The following SDHAF3 variants were observed in gnomAD, a reference collection of about 807,000 sequenced individuals.
The protein encoded by SDHAF3 is succinate dehydrogenase assembly factor 3, mitochondrial.
In SDHAF3, 18 loss-of-function variants were observed where a neutral mutation model predicts 11.5. That is an observed-to-expected ratio of 1.56 (90% confidence interval 1.08 to 2.32). The LOEUF is 2.32. Among genes scored for constraint, SDHAF3 ranks in the 30% most tolerant of loss-of-function variants. SDHAF3 has a pLI of 0.00. For missense variants in SDHAF3, 200 were observed against 154.4 expected (o/e 1.30, Z -1.57); for synonymous variants, 72 against 59.3 (o/e 1.21, Z -0.99).
chr7:97,150,114 T>A (rs1388335531), intron 1 of SDHAF3, among the ~76,000 whole-genome samples: 1 of 152,234 alleles, frequency 6.6e-6, no homozygotes, highest in East Asian at 1.9e-4. Context: ...ATCTTCAGGC[T>A]CCACTTCTGA....
chr7:97,142,890 C>CTTTTTTTTTTT (rs35198717), intron 1 of SDHAF3: 2 of 87,086 alleles, frequency 2.3e-5, no homozygotes, highest in Non-Finnish European at 4.5e-5. Flanking sequence ...TTCTTAAATT[C>CTTTTTTTTTTT]TTTTTTTTTT....
At chr7:97,150,786 T>A (rs764943950) in intron 1 of SDHAF3, among the ~76,000 whole-genome samples, 59 of 151,934 alleles carry the variant, frequency 3.9e-4, no homozygotes, top group Non-Finnish European at 8.5e-4. Flanking sequence ...ATAGTCTCGA[T>A]CTCCTGACCT....
At chr7:97,163,977 C>CTTGCTCTG (rs1273319022) in intron 1 of SDHAF3, among the ~76,000 whole-genome samples, 1 of 148,248 alleles carries the variant, frequency 6.7e-6, no homozygotes, top group Non-Finnish European at 1.5e-5. Context: ...GAGACACAGT[C>CTTGCTCTG]TTGCTCTGTT....
chr7:97,156,281 A>T (rs1789300597), intron 1 of SDHAF3, among the ~76,000 whole-genome samples: 2 of 152,172 alleles, frequency 1.3e-5, no homozygotes, highest in South Asian at 4.1e-4. Context: ...GATTTCTCTA[A>T]TGTCTTTCTC....
Position 97,181,119 on chromosome 7 carries a change from T to C in SDHAF3, c.282T>C (p.Arg94=), listed in dbSNP as rs373175529. 5 of 1,613,898 alleles carry C rather than the reference T, an allele frequency of 3.1e-6. No individual in the cohort carries two copies. Among genetic ancestry groups the C allele is most frequent in the Non-Finnish European group, 4.2e-6 (5 of 1,179,940 alleles). The part of the protein sequence containing the change: ...FLPEEKLNDF[R]DEQIGQLQEL... ...CAGAAGAAAAACTTAATGACTTTCG[T>C]GATGAACAAATTGGACAGTTGCAGG... The change falls in exon 2 of 2, where the codon CGT becomes CGC. Residue 94 remains arginine, a synonymous_variant. Transcript: ENST00000432641.
At chr7:97,169,341 T>G (rs979645013) in intron 1 of SDHAF3, among the ~76,000 whole-genome samples, 2 of 145,514 alleles carry the variant, frequency 1.4e-5, no homozygotes, top group African/African-American at 5.2e-5. Flanking sequence ...GATCGTCTGC[T>G]TTGGATCAGT....
At chr7:97,146,735 A>AT (rs993364407) in intron 1 of SDHAF3, among the ~76,000 whole-genome samples, 1 of 150,986 alleles carries the variant, frequency 6.6e-6, no homozygotes, top group Non-Finnish European at 1.5e-5. Context: ...TCAAATCAAT[A>AT]TTTTTTTGCA....
At chr7:97,152,225 G>T (rs1304734511) in intron 1 of SDHAF3, among the ~76,000 whole-genome samples, 1 of 152,132 alleles carries the variant, frequency 6.6e-6, no homozygotes, top group Non-Finnish European at 1.5e-5. Context: ...ATCAAGATGG[G>T]AATTGCAATA....
intron 1 of SDHAF3, among the ~76,000 whole-genome samples, chr7:97,150,989 A>G (rs1789211037): frequency 6.6e-6 from 1 of 152,120 alleles, no homozygotes. Flanking sequence ...TTAATATATT[A>G]AGATTAGTTT....
At chr7:97,136,991 A>G (rs1024611891) in intron 1 of SDHAF3, among the ~76,000 whole-genome samples, 3 of 151,926 alleles carry the variant, frequency 2.0e-5, no homozygotes, top group Admixed American at 6.5e-5. Context: ...TAACTGCACC[A>G]TTTTCTTTAA....
At chr7:97,138,188 G>T in intron 1 of SDHAF3, among the ~76,000 whole-genome samples, 1 of 135,770 alleles carries the variant, frequency 7.4e-6, no homozygotes. Context: ...TTTCTTGACA[G>T]AGTCTTTGTT....
intron 1 of SDHAF3, among the ~76,000 whole-genome samples, chr7:97,133,762 T>A (rs1791704939): frequency 6.6e-6 from 1 of 152,230 alleles, no homozygotes; most frequent in Non-Finnish European, 1.5e-5. Context: ...GTGTTCTTCT[T>A]TACTCCTAAA....
intron 1 of SDHAF3, among the ~76,000 whole-genome samples, chr7:97,125,371 A>C (rs1051266237): frequency 1.3e-5 from 2 of 152,168 alleles, no homozygotes; most frequent in African/African-American, 4.8e-5. Flanking sequence ...TTAGTGCTAT[A>C]AATTTCCCTC....
chr7:97,149,847 A>G (rs1245980092), intron 1 of SDHAF3, among the ~76,000 whole-genome samples: 2 of 152,238 alleles, frequency 1.3e-5, no homozygotes, highest in African/African-American at 4.8e-5. Context: ...ATTGATCTGT[A>G]GCATGCAATG....
chr7:97,137,777 G>A lies in SDHAF3; in HGVS notation c.174+19880G>A, dbSNP rs141033102. Among the ~76,000 whole-genome samples, 64 of 151,296 alleles carry A rather than the reference G, an allele frequency of 4.2e-4. 2 individuals carry two copies. The highest frequency in any genetic ancestry group is 4.1e-3 in the East Asian group (21 of 5,138). Reference sequence around the variant, plus strand: ...GTAGTATGAGTACAAGAGGGAAAGCGTCTCTCTTTCTTAGCTGTTGAATTT... The same window carrying A: ...GTAGTATGAGTACAAGAGGGAAAGCATCTCTCTTTCTTAGCTGTTGAATTT... On this transcript the variant is annotated intron_variant, in intron 1 of 1. Coordinates refer to ENST00000432641, the MANE Select transcript of SDHAF3 (RefSeq NM_020186.3).
chr7:97,119,169 T>C (rs1335442201), intron 1 of SDHAF3, among the ~76,000 whole-genome samples: 2 of 152,230 alleles, frequency 1.3e-5, no homozygotes, highest in Admixed American at 6.5e-5. Flanking sequence ...TGTGTATTGC[T>C]AATTGTTATG....
chr7:97,132,059 T>C (rs898177823), intron 1 of SDHAF3, among the ~76,000 whole-genome samples: 3 of 152,194 alleles, frequency 2.0e-5, no homozygotes, highest in Non-Finnish European at 2.9e-5. Flanking sequence ...TTTTCTTGAT[T>C]ATCTGTAAAA....
intron 1 of SDHAF3, among the ~76,000 whole-genome samples, chr7:97,144,629 T>C (rs912337958): frequency 5.3e-5 from 8 of 152,182 alleles, no homozygotes; most frequent in African/African-American, 1.7e-4. Flanking sequence ...GCTGTAATAT[T>C]TGGGTTTATT....
chr7:97,167,044 A>ATTTT (rs71131005), intron 1 of SDHAF3, among the ~76,000 whole-genome samples: 2 of 147,684 alleles, frequency 1.4e-5, no homozygotes, highest in Non-Finnish European at 3.0e-5. Context: ...ACTTTCAGTG[A>ATTTT]TTTTTTTTTT....
Sources: gnomAD v4.1 joint callset for allele counts (sites outside exome capture counted in the v4.1 genomes callset) on GRCh38, gnomAD v4.1.1 for gene constraint, MANE v1.5 for transcripts, NCBI Gene and HGNC (gene_info 2026-07-23, HGNC 2026-07-21) for gene names.